Variants in WDR41 observed in about 807,000 individuals in gnomAD.
The protein encoded by WDR41 is WD repeat domain 41, also known as WD repeat-containing protein 41.
WDR41 carries 63 observed loss-of-function variants against 69.3 expected under a neutral mutation model. The observed-to-expected ratio is 0.91, with a 90% CI of 0.74 to 1.12. The LOEUF (loss-of-function observed/expected upper bound fraction) is 1.12. Among genes scored for constraint, WDR41 ranks in the 50% most tolerant of loss-of-function variants. The pLI, the probability that WDR41 is intolerant of heterozygous loss-of-function variation, is 0.00. For missense variants in WDR41, 543 were observed against 534.5 expected (o/e 1.02, Z -0.16); for synonymous variants, 185 against 192.1 (o/e 0.96, Z 0.31).
chr5:77,563,243 C>A (rs116568660), intron 1 of WDR41, among the ~76,000 whole-genome samples: 3,388 of 152,228 alleles, frequency 0.022, 117 homozygotes, highest in African/African-American at 0.074. Context: ...TCAATCACCA[C>A]ATACAGGTTA....
At chr5:77,522,004 A>G (rs1046779759) in intron 1 of WDR41, among the ~76,000 whole-genome samples, 1 of 152,216 alleles carries the variant, frequency 6.6e-6, no homozygotes, top group African/African-American at 2.4e-5. Flanking sequence ...GATGAATCAC[A>G]TGGTTCCTCA....
chr5:77,602,109 C>T (rs1744332659), intron 1 of WDR41, among the ~76,000 whole-genome samples: 1 of 152,068 alleles, frequency 6.6e-6, no homozygotes, highest in African/African-American at 2.4e-5. Flanking sequence ...TCTTCATCCC[C>T]ACCCTTCCCA....
At chr5:77,504,821 A>G (rs1581777228) in intron 1 of WDR41, among the ~76,000 whole-genome samples, 1 of 152,240 alleles carries the variant, frequency 6.6e-6, no homozygotes, top group South Asian at 2.1e-4. Context: ...ACAAAATTCA[A>G]CAGCCCTTCA....
intron 2 of WDR41, among the ~76,000 whole-genome samples, chr5:77,478,200 AAGAGTCCAGGACC>A (rs1170530307): frequency 1.3e-5 from 2 of 152,184 alleles, no homozygotes; most frequent in Admixed American, 1.3e-4. Flanking sequence ...ACCAACCAAA[AAGAGTCCAGGACC>A]AGATGGATTC....
rs768195087 is a variant in WDR41 at position 77,489,521 on chromosome 5, CA to C, written c.102del (p.Glu35AsnfsTer3). On this transcript the variant is annotated frameshift_variant, in exon 2 of 13. Transcript: ENST00000296679. LOFTEE classifies it high-confidence loss of function. ...IGEEQTQNPY[T>X]ELLVLKAHHD... Reference sequence around the variant, plus strand: ...TGATGAGCCTTCAGTACTAGCAGTTCAGTGTAGGGATTCTGGGTTTGTTCTT... The same window carrying C: ...TGATGAGCCTTCAGTACTAGCAGTTCGTGTAGGGATTCTGGGTTTGTTCTT... 184 of 1,607,052 alleles carry C rather than the reference CA, an allele frequency of 1.1e-4. No individual in the cohort carries two copies. The highest frequency in any genetic ancestry group is 1.4e-4 in the Non-Finnish European group (167 of 1,178,036).
intron 2 of WDR41, among the ~76,000 whole-genome samples, chr5:77,476,730 T>C (rs369378258): frequency 0.1 from 15,409 of 150,534 alleles, 970 homozygotes; most frequent in Middle Eastern, 0.2. Flanking sequence ...TGCCAAAATG[T>C]AAAGACCATC....
intron 1 of WDR41, among the ~76,000 whole-genome samples, chr5:77,605,022 G>T (rs912622229): frequency 6.6e-6 from 1 of 152,106 alleles, no homozygotes. Flanking sequence ...GGAGAATTTC[G>T]GTATGGGGGC....
At chr5:77,512,843 A>G (rs984978357) in intron 1 of WDR41, among the ~76,000 whole-genome samples, 2 of 151,972 alleles carry the variant, frequency 1.3e-5, no homozygotes, top group African/African-American at 4.8e-5. Flanking sequence ...AAATTAATAT[A>G]TAAATGCATT....
chr5:77,462,351 G>A (rs1372470876), intron 4 of WDR41, among the ~76,000 whole-genome samples: 2 of 146,402 alleles, frequency 1.4e-5, no homozygotes, highest in Non-Finnish European at 3.0e-5. Flanking sequence ...AGAGGTTGCA[G>A]TGAGTAAAGA....
chr5:77,547,538 A>C (rs1035070031), intron 1 of WDR41, among the ~76,000 whole-genome samples: 12 of 151,838 alleles, frequency 7.9e-5, no homozygotes, highest in African/African-American at 2.7e-4. Flanking sequence ...AAAAAAAAAA[A>C]ACAAACAAAA....
At chr5:77,482,099 G>T (rs1360227919) in intron 2 of WDR41, among the ~76,000 whole-genome samples, 1 of 152,104 alleles carries the variant, frequency 6.6e-6, no homozygotes. Context: ...GGAGAGAAGG[G>T]CATTATAATA....
intron 1 of WDR41, among the ~76,000 whole-genome samples, chr5:77,594,235 A>G (rs996970949): frequency 3.7e-5 from 5 of 133,410 alleles, no homozygotes; most frequent in Non-Finnish European, 7.8e-5. Flanking sequence ...TGGACACAGG[A>G]AGGGGAACAT....
intron 2 of WDR41, among the ~76,000 whole-genome samples, chr5:77,467,380 A>G (rs907922905): frequency 1.3e-5 from 2 of 151,956 alleles, no homozygotes; most frequent in Admixed American, 6.6e-5. Context: ...GACACCTTAC[A>G]TGTGGTTCTT....
rs142329224 is a variant in WDR41, at chr5:77,503,586, C to T, written c.43-14014G>A. 1.9e-4 allele frequency among the ~76,000 whole-genome samples: 29 copies of T among 152,282 alleles called. No individual in the cohort carries two copies. In the East Asian group the frequency reaches 4.6e-3, roughly 24 times the overall value. On this transcript the variant is annotated intron_variant, in intron 1 of 5. Coordinates refer to the WDR41 transcript ENST00000509971. The stretch of plus-strand genomic sequence containing the variant: ...AACAGAATGTACATTCTTCTCAGCA[C>T]CACATCACACTTATTCTAAAATTGA...
intron 2 of WDR41, among the ~76,000 whole-genome samples, chr5:77,477,208 C>G (rs1241629025): frequency 1.3e-5 from 2 of 149,658 alleles, no homozygotes; most frequent in African/African-American, 5.1e-5. Context: ...GACTTAGACT[C>G]CCACACAATA....
intron 1 of WDR41, chr5:77,582,660 C>A: frequency 6.2e-7 from 1 of 1,601,388 alleles, no homozygotes. Flanking sequence ...TCATCAGAAT[C>A]AGAGGTATCA....
chr5:77,588,923 C>A (rs1278258128), intron 1 of WDR41, among the ~76,000 whole-genome samples: 1 of 152,158 alleles, frequency 6.6e-6, no homozygotes, highest in Non-Finnish European at 1.5e-5. Context: ...CCTTCTTGCA[C>A]TTAGGAACAC....
At chr5:77,442,894 C>CAAA (rs60442242) in intron 8 of WDR41, among the ~76,000 whole-genome samples, 4 of 56,252 alleles carry the variant, frequency 7.1e-5, no homozygotes, top group Admixed American at 3.0e-4. Context: ...TCTGTCTCCC[C>CAAA]AAAAAAAAAA....
chr5:77,495,395 A>G (rs1332708436), upstream of WDR41, among the ~76,000 whole-genome samples: 6 of 152,044 alleles, frequency 3.9e-5, no homozygotes, highest in African/African-American at 1.4e-4. Context: ...CTGACAAAGA[A>G]AAAAAGAGAA....
Sources: gnomAD v4.1 joint callset for allele counts (sites outside exome capture counted in the v4.1 genomes callset) on GRCh38, gnomAD v4.1.1 for gene constraint, MANE v1.5 for transcripts, NCBI Gene and HGNC (gene_info 2026-07-23, HGNC 2026-07-21) for gene names.